The following MALRD1 variants were observed in gnomAD, a reference collection of about 807,000 sequenced individuals.
The protein encoded by MALRD1 is MAM and LDL receptor class A domain containing 1.
A neutral mutation model predicts 242.1 loss-of-function variants in MALRD1; 247 were observed. The ratio of observed to expected loss-of-function variants is 1.02; its 90% confidence interval spans 0.92 to 1.13. The LOEUF (loss-of-function observed/expected upper bound fraction) is 1.13. Among genes scored for constraint, MALRD1 ranks in the 50% most tolerant of loss-of-function variants. The probability of loss-of-function intolerance (pLI) is 0.00; values close to 1 mark genes in which losing one functional copy is unlikely to be tolerated. For synonymous variants in MALRD1, 995 were observed against 866.6 expected, an observed-to-expected ratio of 1.15 and a Z score of -2.60; for missense variants, 2,989 against 2,533.1, an observed-to-expected ratio of 1.18 and a Z score of -3.86.
chr10:19,273,172 A>G (rs1588829299), intron 19 of MALRD1, among the ~76,000 whole-genome samples: 1 of 152,220 alleles, frequency 6.6e-6, no homozygotes, highest in Non-Finnish European at 1.5e-5. Flanking sequence ...TGTAAAAATT[A>G]TATAATTTTT....
intron 28 of MALRD1, among the ~76,000 whole-genome samples, chr10:19,395,025 G>A (rs1204340452): frequency 6.6e-6 from 1 of 152,190 alleles, no homozygotes; most frequent in Admixed American, 6.5e-5. Context: ...CTATCATGTG[G>A]ATTTTGGAAT....
rs150974442 is a variant in MALRD1 at position 19,175,629 on chromosome 10, A to G, written c.1951+301A>G. 8.1e-3 allele frequency among the ~76,000 whole-genome samples: 1,234 copies of G among 151,774 alleles called. 19 individuals are homozygous for G. Among genetic ancestry groups the G allele is most frequent in the African/African-American group, 0.028 (1,170 of 41,438 alleles). On this transcript the variant is annotated intron_variant, in intron 14 of 39. Coordinates refer to ENST00000454679, the MANE Select transcript of MALRD1 (RefSeq NM_001142308.3). ...ATTATAATTATCTTGCATATTTTAA[A>G]TACACTTTTATAAATATTCACTTCT...
chr10:19,352,571 C>G (rs990221668), intron 26 of MALRD1, among the ~76,000 whole-genome samples: 1 of 152,072 alleles, frequency 6.6e-6, no homozygotes, highest in African/African-American at 2.4e-5. Flanking sequence ...GAGAAGACTC[C>G]TTTGTTTGCA....
chr10:19,208,570 G>C (rs1201945561), intron 17 of MALRD1, among the ~76,000 whole-genome samples: 1 of 152,170 alleles, frequency 6.6e-6, no homozygotes, highest in Admixed American at 6.5e-5. Flanking sequence ...GGACGGGATG[G>C]AACCAAAGAC....
chr10:19,507,369 G>A (rs1051608592), intron 31 of MALRD1, among the ~76,000 whole-genome samples: 3 of 151,960 alleles, frequency 2.0e-5, no homozygotes, highest in Admixed American at 6.6e-5. Context: ...AAATAAAGGC[G>A]TTTAGAAAAA....
intron 14 of MALRD1, among the ~76,000 whole-genome samples, chr10:19,180,117 C>T (rs1324832578): frequency 6.6e-6 from 1 of 152,100 alleles, no homozygotes; most frequent in Non-Finnish European, 1.5e-5. Context: ...ATTACCTATA[C>T]CCGAGGTGAA....
intron 26 of MALRD1, among the ~76,000 whole-genome samples, chr10:19,361,166 T>C (rs1017791106): frequency 6.6e-6 from 1 of 152,140 alleles, no homozygotes; most frequent in Non-Finnish European, 1.5e-5. Context: ...CAGTCTCTGT[T>C]ATCACCAGTG....
chr10:19,347,688 A>G (rs1388052949), intron 24 of MALRD1, 83 bp from the exon 25 acceptor site: 4 of 1,426,550 alleles, frequency 2.8e-6, no homozygotes, highest in Non-Finnish European at 3.8e-6. Flanking sequence ...ATGATACAGC[A>G]AGATCACTGC....
Position 19,135,259 on chromosome 10 carries a change from A to G in MALRD1, c.1203+1311A>G, listed in dbSNP as rs767967147. Reference sequence around the variant, plus strand: ...AGCTTCCACCTCCTGGGCTCAAGCAATTCTCTTGCGTTAGCCTCCCAAGCA... The same window carrying G: ...AGCTTCCACCTCCTGGGCTCAAGCAGTTCTCTTGCGTTAGCCTCCCAAGCA... On this transcript the variant is annotated intron_variant, in intron 9 of 39. Transcript: ENST00000454679. Among the ~76,000 whole-genome samples the G allele has an allele frequency of 2.0e-5, 3 of 152,106 alleles. No homozygotes were observed. In the East Asian group the frequency reaches 5.8e-4, roughly 29 times the overall value.
At chr10:19,627,564 C>T (rs1839708128) in intron 36 of MALRD1, among the ~76,000 whole-genome samples, 1 of 151,744 alleles carries the variant, frequency 6.6e-6, no homozygotes, top group African/African-American at 2.4e-5. Flanking sequence ...GATGAAACCC[C>T]ATCTCTTCTA....
chr10:19,061,814 A>G lies in MALRD1; in HGVS notation c.200-4905A>G, dbSNP rs145216316. Among the ~76,000 whole-genome samples, 915 of 152,340 alleles carry G rather than the reference A, an allele frequency of 6.0e-3. 8 individuals are homozygous for G. Among genetic ancestry groups the G allele is most frequent in the African/African-American group, 0.021 (879 of 41,576 alleles). ...AAAATGGATTGAAGACCTAACTGTA[A>G]GAGCTAAAACTGTAAAACTTAGTAA... On this transcript the variant is annotated intron_variant, in intron 1 of 39. Coordinates refer to ENST00000454679, the MANE Select transcript of MALRD1 (RefSeq NM_001142308.3).
At chr10:19,302,051 C>G (rs1161703095) in intron 21 of MALRD1, among the ~76,000 whole-genome samples, 2 of 151,604 alleles carry the variant, frequency 1.3e-5, no homozygotes, top group Non-Finnish European at 3.0e-5. Flanking sequence ...AAATCAAAAC[C>G]AGAGTGAGAT....
In MALRD1 at chr10:19,613,525, A is replaced by T. The variant is rs547301188; in HGVS notation, c.6071-2332A>T. 9.2e-5 allele frequency among the ~76,000 whole-genome samples: 14 copies of T among 151,956 alleles called. No individual in the cohort carries two copies. In the South Asian group the frequency reaches 2.9e-3, roughly 32 times the overall value. ...TTAAATATCTCTTAAAAATTCAACA[A>T]CTTTCTACCCCCAACCCCACCCTAA... On this transcript the variant is annotated intron_variant, in intron 35 of 39. Coordinates refer to ENST00000454679, the MANE Select transcript of MALRD1 (RefSeq NM_001142308.3).
At chr10:19,321,980 T>G (rs1265329699) in intron 21 of MALRD1, among the ~76,000 whole-genome samples, 2 of 152,118 alleles carry the variant, frequency 1.3e-5, no homozygotes, top group Admixed American at 1.3e-4. Flanking sequence ...TAGTAAAAAT[T>G]TAATGAGGTG....
intron 28 of MALRD1, among the ~76,000 whole-genome samples, chr10:19,396,294 G>T (rs868841721): frequency 1.3e-5 from 2 of 151,684 alleles, no homozygotes; most frequent in Admixed American, 6.6e-5. Flanking sequence ...ACGCCACCAC[G>T]CCTGGCTAAT....
chr10:19,321,854 A>C (rs1056719339), intron 21 of MALRD1, among the ~76,000 whole-genome samples: 1 of 152,142 alleles, frequency 6.6e-6, no homozygotes, highest in South Asian at 2.1e-4. Flanking sequence ...GGGGGACATG[A>C]TTTAATCCAA....
chr10:19,343,992 A>G (rs1447142624), intron 24 of MALRD1, among the ~76,000 whole-genome samples: 1 of 152,084 alleles, frequency 6.6e-6, no homozygotes, highest in Non-Finnish European at 1.5e-5. Flanking sequence ...TCTTTTGCCC[A>G]TTCTCTAATT....
At chr10:19,189,028 C>T (rs1041232088) in intron 14 of MALRD1, among the ~76,000 whole-genome samples, 3 of 151,402 alleles carry the variant, frequency 2.0e-5, no homozygotes, top group Admixed American at 2.0e-4. Context: ...ACGAAATGGA[C>T]CTAGGGAGAG....
chr10:19,683,306 G>A (rs573929986), intron 36 of MALRD1, among the ~76,000 whole-genome samples: 2 of 152,304 alleles, frequency 1.3e-5, no homozygotes, highest in South Asian at 2.1e-4. Flanking sequence ...TAGGGAATGT[G>A]GTCCTAAGGT....
Sources: gnomAD v4.1 joint callset for allele counts (sites outside exome capture counted in the v4.1 genomes callset) on GRCh38, gnomAD v4.1.1 for gene constraint, MANE v1.5 for transcripts, NCBI Gene and HGNC (gene_info 2026-07-23, HGNC 2026-07-21) for gene names.